Variants in CALN1 observed in about 807,000 individuals in gnomAD.
CALN1 encodes the protein calneuron 1.
CALN1 carries 17 observed loss-of-function variants against 30.6 expected under a neutral mutation model. The observed-to-expected ratio is 0.56, with a 90% CI of 0.38 to 0.83. The LOEUF (loss-of-function observed/expected upper bound fraction) is 0.83. Among genes scored for constraint, CALN1 ranks in the 40% least tolerant of loss-of-function variants. The probability of loss-of-function intolerance (pLI) is 0.00; values close to 1 mark genes in which losing one functional copy is unlikely to be tolerated. For missense variants in CALN1, 291 were observed against 354.9 expected (o/e 0.82, Z 1.45); for synonymous variants, 156 against 131.4 (o/e 1.19, Z -1.28).
At position 72,412,335 on chromosome 7, in the gene CALN1, C is replaced by CT. The variant is rs1424623790; in HGVS notation, c.-352dup. The CT allele has an allele frequency of 1.3e-5, 2 of 152,020 alleles. No individual in the cohort carries two copies. Among genetic ancestry groups the CT allele is most frequent in the African/African-American group, 4.8e-5 (2 of 41,286 alleles). 9.4% of individuals were successfully genotyped at this position (152,020 alleles called of 1,614,324 possible). On this transcript the variant is annotated 5_prime_UTR_variant, in exon 1 of 7. Transcript: ENST00000395275. The stretch of plus-strand genomic sequence containing the variant: ...CTCAAGCGGATAGCACCCCAGCGAG[C>CT]TTCCCCAGCGGGCTCGGGGAGCCAG...
Position 72,383,519 on chromosome 7 carries a change from G to T in CALN1, c.119+19732C>A, listed in dbSNP as rs538891751. Among the ~76,000 whole-genome samples the T allele has an allele frequency of 9.2e-5, 14 of 152,214 alleles. No individual in the cohort carries two copies. In the South Asian group the frequency reaches 2.5e-3, roughly 27 times the overall value. ...TTAGTGATGTGGAGCATTTTTTCAT[G>T]TTTGTTGGCTGCCTGCATGTCTAGG... is the stretch of plus-strand genomic sequence containing the variant. On this transcript the variant is annotated intron_variant, in intron 2 of 6. Coordinates refer to ENST00000395275, the MANE Select transcript of CALN1 (RefSeq NM_031468.4).
chr7:72,274,859 A>G (rs116457450), intron 3 of CALN1, among the ~76,000 whole-genome samples: 210 of 152,186 alleles, frequency 1.4e-3, no homozygotes, highest in African/African-American at 4.9e-3. Context: ...CCCAACTTTA[A>G]TCTGATCATT....
chr7:72,304,880 T>A (rs1044615500), intron 2 of CALN1, among the ~76,000 whole-genome samples: 1 of 152,220 alleles, frequency 6.6e-6, no homozygotes, highest in Non-Finnish European at 1.5e-5. Flanking sequence ...CCACACTTAG[T>A]GACATGGGTC....
At chr7:72,408,376 T>C (rs998739682) in intron 1 of CALN1, among the ~76,000 whole-genome samples, 1 of 149,266 alleles carries the variant, frequency 6.7e-6, no homozygotes, top group African/African-American at 2.5e-5. Flanking sequence ...ACCCGGGAGG[T>C]GGAGGTTGCA....
At chr7:72,403,892 G>T (rs1453946287) in intron 1 of CALN1, among the ~76,000 whole-genome samples, 1 of 152,194 alleles carries the variant, frequency 6.6e-6, no homozygotes, top group Non-Finnish European at 1.5e-5. Context: ...AACGGTGAAG[G>T]ACTCTGGCCC....
At chr7:71,838,386 C>T (rs7785502) in intron 5 of CALN1, among the ~76,000 whole-genome samples, 2,604 of 152,160 alleles carry the variant, frequency 0.017, 55 homozygotes, top group African/African-American at 0.06. Flanking sequence ...CCATTCTGTC[C>T]CAGATGAGCA....
At position 72,086,811 on chromosome 7, in the gene CALN1, A is replaced by AAC. The variant is rs1205656438; in HGVS notation, c.388+19339_388+19340insGT. Among the ~76,000 whole-genome samples, 11 of 152,330 alleles carry AAC rather than the reference A, an allele frequency of 7.2e-5. 1 individual carries two copies. The East Asian group carries it at 2.1e-3, about 29-fold the overall frequency. Reference sequence around the variant, plus strand: ...AAAATAGTCAAACTTAACAGGATATAGAGAGAGAAGCTCAGCTAAAGAGAA... The same window carrying AAC: ...AAAATAGTCAAACTTAACAGGATATAACGAGAGAGAAGCTCAGCTAAAGAGAA... On this transcript the variant is annotated intron_variant, in intron 4 of 6. Transcript: ENST00000395275.
intron 2 of CALN1, among the ~76,000 whole-genome samples, chr7:72,287,292 T>A (rs1312309793): frequency 6.6e-6 from 1 of 152,122 alleles, no homozygotes; most frequent in African/African-American, 2.4e-5. Context: ...TGTAACTACA[T>A]AGAATATATT....
chr7:71,841,460 C>T (rs898428057), intron 5 of CALN1, among the ~76,000 whole-genome samples: 18 of 152,108 alleles, frequency 1.2e-4, no homozygotes, highest in African/African-American at 4.3e-4. Context: ...CCAGAGAATT[C>T]AAAACAGAAT....
At chr7:72,179,967 T>C (rs1405913146) in intron 3 of CALN1, among the ~76,000 whole-genome samples, 1 of 152,158 alleles carries the variant, frequency 6.6e-6, no homozygotes, top group Non-Finnish European at 1.5e-5. Context: ...ACCTCCCTAA[T>C]TGTCTCACAA....
chr7:72,315,033 C>T (rs1338265176), intron 2 of CALN1, among the ~76,000 whole-genome samples: 2 of 151,508 alleles, frequency 1.3e-5, no homozygotes, highest in Non-Finnish European at 2.9e-5. Flanking sequence ...CACCTGTGGT[C>T]CCAGCTACTT....
chr7:72,207,696 C>A (rs1296205435), intron 3 of CALN1, among the ~76,000 whole-genome samples: 2 of 152,150 alleles, frequency 1.3e-5, no homozygotes, highest in Non-Finnish European at 2.9e-5. Flanking sequence ...ATTGCTATAA[C>A]CCCATAATTG....
intron 3 of CALN1, among the ~76,000 whole-genome samples, chr7:72,120,974 G>C (rs1192243224): frequency 6.6e-6 from 1 of 151,770 alleles, no homozygotes; most frequent in African/African-American, 2.4e-5. Flanking sequence ...GAGAAGGTGA[G>C]GTTTGAGTGG....
chr7:72,197,538 G>C (rs570759007), intron 3 of CALN1, among the ~76,000 whole-genome samples: 1 of 152,126 alleles, frequency 6.6e-6, no homozygotes, highest in South Asian at 2.1e-4. Flanking sequence ...TATGGCCGAA[G>C]AATGTGGCCT....
intron 5 of CALN1, among the ~76,000 whole-genome samples, chr7:71,863,515 G>A (rs1168259185): frequency 1.6e-5 from 2 of 124,614 alleles, no homozygotes; most frequent in Non-Finnish European, 1.6e-5. Context: ...CTGAGTTCAT[G>A]CCACTGCACT....
chr7:71,834,431 T>C (rs146175255), intron 5 of CALN1, among the ~76,000 whole-genome samples: 3 of 146,808 alleles, frequency 2.0e-5, no homozygotes, highest in African/African-American at 7.6e-5. Context: ...AAGAAATACG[T>C]ATATAGAAGT....
chr7:71,869,910 G>A (rs1379130268), intron 5 of CALN1, among the ~76,000 whole-genome samples: 1 of 152,116 alleles, frequency 6.6e-6, no homozygotes, highest in Non-Finnish European at 1.5e-5. Context: ...GTGGGCCTCA[G>A]CTTTGCAGAC....
chr7:72,380,713 A>G (rs191309213), intron 2 of CALN1, among the ~76,000 whole-genome samples: 20 of 148,428 alleles, frequency 1.3e-4, no homozygotes, highest in African/African-American at 4.9e-4. Context: ...GATTAGATAG[A>G]TAGATAGATA....
intron 4 of CALN1, among the ~76,000 whole-genome samples, chr7:72,034,174 G>A (rs1000511086): frequency 8.6e-5 from 13 of 151,242 alleles, no homozygotes; most frequent in Non-Finnish European, 1.3e-4. Context: ...TAACACGGTG[G>A]AACCCCGTCT....
Sources: gnomAD v4.1 joint callset for allele counts (sites outside exome capture counted in the v4.1 genomes callset) on GRCh38, gnomAD v4.1.1 for gene constraint, MANE v1.5 for transcripts, NCBI Gene and HGNC (gene_info 2026-07-23, HGNC 2026-07-21) for gene names.